The following SUFU variants were observed in gnomAD, a reference collection of about 807,000 sequenced individuals.
The protein encoded by SUFU is suppressor of fused homolog.
Under a neutral mutation model 58.9 loss-of-function variants are expected in SUFU, and 7 were observed. The observed-to-expected ratio is 0.12, with a 90% CI of 0.07 to 0.22. The LOEUF is 0.22. SUFU is among the 10% of genes least tolerant of loss of function. The pLI, the probability that SUFU is intolerant of heterozygous loss-of-function variation, is 1.00. For synonymous variants in SUFU, 232 were observed against 254.8 expected (o/e 0.91, Z 0.85); for missense variants, 451 against 641.3 (o/e 0.70, Z 3.20).
At chr10:102,592,962 G>A (rs1177507229) in intron 4 of SUFU, among the ~76,000 whole-genome samples, 1 of 152,220 alleles carries the variant, frequency 6.6e-6, no homozygotes, top group Non-Finnish European at 1.5e-5. Flanking sequence ...GTAGCTGAGA[G>A]GGAGTAATGG....
At chr10:102,517,934 C>T (rs183623822) in intron 2 of SUFU, among the ~76,000 whole-genome samples, 5 of 152,138 alleles carry the variant, frequency 3.3e-5, no homozygotes, top group South Asian at 2.1e-4. Context: ...AGAATCTGAC[C>T]GAGCGCCTGC....
rs2062296266 is a variant in SUFU, at chr10:102,504,424, G to A, written c.182+90G>A. The stretch of plus-strand genomic sequence containing the variant: ...AAGTAATTTGTGGGAGGTGGGAGGA[G>A]GGGTAGAGAATGGTTAAAGCACTCA... On this transcript the variant is annotated intron_variant, in intron 1 of 11. Coordinates refer to ENST00000369902, the MANE Select transcript of SUFU (RefSeq NM_016169.4). 4 of 1,569,180 alleles carry A rather than the reference G, an allele frequency of 2.5e-6. No individual in the cohort carries two copies. The Admixed American group carries it at 7.6e-5, about 30-fold the overall frequency.
intron 2 of SUFU, among the ~76,000 whole-genome samples, chr10:102,533,610 C>G (rs531502053): frequency 1.2e-4 from 18 of 152,160 alleles, no homozygotes; most frequent in African/African-American, 4.3e-4. Flanking sequence ...AATTCGTTTC[C>G]TTGCTGTTTC....
intron 2 of SUFU, among the ~76,000 whole-genome samples, chr10:102,528,415 A>G (rs916418665): frequency 2.0e-5 from 3 of 151,852 alleles, no homozygotes; most frequent in African/African-American, 7.3e-5. Context: ...ACAAATAATA[A>G]AAAAAATTAG....
In SUFU at chr10:102,633,405, T is replaced by C. The variant is rs1275363579; in HGVS notation, c.*3250T>C. 4.3e-6 allele frequency: 1 copy of C among 233,086 alleles called. No homozygotes were observed. The highest frequency in any genetic ancestry group is 6.0e-5 in the East Asian group (1 of 16,544). 14.4% of individuals were successfully genotyped at this position (233,086 alleles called of 1,614,324 possible). On this transcript the variant is annotated 3_prime_UTR_variant, in exon 12 of 12. Transcript: ENST00000369902. ...ACTCACTTAGATGTCGTTTCCTTCT[T>C]GCCCCCTCTTCCTCTCTGTAATCTA...
intron 2 of SUFU, among the ~76,000 whole-genome samples, chr10:102,526,213 G>A (rs572660514): frequency 6.6e-6 from 1 of 151,946 alleles, no homozygotes; most frequent in Admixed American, 6.6e-5. Context: ...GCCACTGCAC[G>A]CCAGCCTGGG....
chr10:102,574,145 AG>A (rs1438650668), intron 3 of SUFU, among the ~76,000 whole-genome samples: 3 of 152,176 alleles, frequency 2.0e-5, no homozygotes, highest in Non-Finnish European at 4.4e-5. Context: ...TTGAGTACCA[AG>A]GGGATTGGGG....
chr10:102,601,994 G>A (rs2063518561), intron 8 of SUFU, among the ~76,000 whole-genome samples: 1 of 152,226 alleles, frequency 6.6e-6, no homozygotes, highest in Non-Finnish European at 1.5e-5. Flanking sequence ...CAGAGGCTCA[G>A]AGCAGCTGAT....
chr10:102,538,106 A>C (rs930738998), intron 2 of SUFU, among the ~76,000 whole-genome samples: 3 of 152,218 alleles, frequency 2.0e-5, no homozygotes, highest in East Asian at 1.9e-4. Context: ...AAAACATTAG[A>C]GGCTATAGAG....
At chr10:102,540,644 C>CT in intron 2 of SUFU, among the ~76,000 whole-genome samples, 1 of 151,844 alleles carries the variant, frequency 6.6e-6, no homozygotes, top group East Asian at 1.9e-4. Flanking sequence ...GAGCAAGACT[C>CT]TGTCTCAAAA....
intron 3 of SUFU, among the ~76,000 whole-genome samples, chr10:102,588,284 T>C (rs1379495899): frequency 6.6e-6 from 1 of 151,216 alleles, no homozygotes; most frequent in Non-Finnish European, 1.5e-5. Flanking sequence ...TTCCAGCTAC[T>C]CGGGAGGCTG....
chr10:102,524,622 A>G (rs956390799), intron 2 of SUFU, among the ~76,000 whole-genome samples: 5 of 152,036 alleles, frequency 3.3e-5, no homozygotes, highest in Non-Finnish European at 7.4e-5. Context: ...TGCCCAGCCT[A>G]TTTCTTCTTT....
In SUFU at chr10:102,631,504, C is replaced by A. The variant is rs1220522176; in HGVS notation, c.*1349C>A. ...AAGCCCCTTTCCTGCCTTCTTACCC[C>A]CAACTCTAGGGATGGGACTGTTACA... is the stretch of plus-strand genomic sequence containing the variant. On this transcript the variant is annotated 3_prime_UTR_variant, in exon 12 of 12. Transcript: ENST00000369902. The A allele has an allele frequency of 1.3e-5, 3 of 233,524 alleles. No individual in the cohort carries two copies. The highest frequency in any genetic ancestry group is 2.5e-5 in the Non-Finnish European group (3 of 118,320). The allele number at this position is 233,524 out of a possible 1,614,324, so 14.5% of individuals were successfully genotyped here. A position where few individuals can be genotyped will look rare whatever the true frequency, so the allele number is the denominator to read the frequency against.
At chr10:102,509,424 CCT>C in intron 2 of SUFU, 121 bp downstream of exon 2, 1 of 1,399,830 alleles carries the variant, frequency 7.1e-7, no homozygotes, top group South Asian at 1.2e-5. Flanking sequence ...GCATTTCTGC[CCT>C]CTGACTATAT....
chr10:102,626,552 T>A (rs4285804), intron 10 of SUFU, among the ~76,000 whole-genome samples: 78,706 of 151,904 alleles, frequency 0.52, 20,769 homozygotes, highest in Middle Eastern at 0.61. Context: ...GGTCAGGGGC[T>A]TGGGAGCTTC....
chr10:102,599,122 A>T (rs190635219), intron 7 of SUFU, among the ~76,000 whole-genome samples: 7 of 152,256 alleles, frequency 4.6e-5, no homozygotes, highest in African/African-American at 1.7e-4. Flanking sequence ...GTGTGGAGCC[A>T]TGTTAAGGGT....
At chr10:102,627,115 G>A in intron 10 of SUFU, 60 bp from the exon 11 acceptor site, 5 of 1,581,796 alleles carry the variant, frequency 3.2e-6, no homozygotes, top group Non-Finnish European at 3.5e-6. Context: ...ACGCTTGGTG[G>A]TTGGCAAAAA....
chr10:102,613,982 A>G (rs2063654249), intron 8 of SUFU, among the ~76,000 whole-genome samples: 1 of 152,210 alleles, frequency 6.6e-6, no homozygotes, highest in South Asian at 2.1e-4. Flanking sequence ...CTTTCCAGCC[A>G]AGCCCACTGG....
chr10:102,594,427 C>A (rs570474922), intron 6 of SUFU, among the ~76,000 whole-genome samples: 3 of 152,188 alleles, frequency 2.0e-5, no homozygotes, highest in Admixed American at 2.0e-4. Context: ...GGAGCCACCA[C>A]GGCCACCACC....
Sources: allele counts gnomAD v4.1 joint callset (sites outside exome capture counted in the v4.1 genomes callset), GRCh38; gene constraint gnomAD v4.1.1; transcripts MANE v1.5; gene names NCBI Gene and HGNC (gene_info 2026-07-23, HGNC 2026-07-21).